Variants in HIVEP3 observed in about 807,000 individuals in gnomAD.
The protein encoded by HIVEP3 is HIVEP zinc finger 3, also known as transcription factor HIVEP3.
A neutral mutation model predicts 152.8 loss-of-function variants in HIVEP3; 49 were observed. The observed-to-expected ratio is 0.32, with a 90% CI of 0.26 to 0.41. The LOEUF (loss-of-function observed/expected upper bound fraction) is 0.41. Among genes scored for constraint, HIVEP3 ranks in the 10% least tolerant of loss-of-function variants. The pLI is 1.00. For missense variants in HIVEP3, 2,790 were observed against 3,103.3 expected, an observed-to-expected ratio of 0.90 and a Z score of 2.40; for synonymous variants, 1,269 against 1,289.0, an observed-to-expected ratio of 0.98 and a Z score of 0.33.
intron 1 of HIVEP3, among the ~76,000 whole-genome samples, chr1:41,907,684 C>G (rs539364798): frequency 1.8e-4 from 28 of 152,322 alleles, no homozygotes; most frequent in African/African-American, 6.3e-4. Context: ...ACCCAACTGT[C>G]CCTTGCGCAG....
At chr1:41,616,038 T>C (rs1032318111) in intron 3 of HIVEP3, among the ~76,000 whole-genome samples, 4 of 151,964 alleles carry the variant, frequency 2.6e-5, no homozygotes, top group African/African-American at 9.7e-5. Context: ...GGAGAAGAAA[T>C]GACTGATTTC....
intron 1 of HIVEP3, among the ~76,000 whole-genome samples, chr1:41,851,536 C>T (rs1053614326): frequency 1.3e-5 from 2 of 152,084 alleles, no homozygotes; most frequent in East Asian, 1.9e-4. Context: ...CTCTTGACCT[C>T]GTGATCTGCC....
At chr1:41,823,291 C>T (rs1642662140) in intron 1 of HIVEP3, among the ~76,000 whole-genome samples, 1 of 152,224 alleles carries the variant, frequency 6.6e-6, no homozygotes, top group Non-Finnish European at 1.5e-5. Context: ...GCTGTTATGA[C>T]AGCCTGAGCA....
At chr1:41,867,952 A>T (rs541124679) in intron 1 of HIVEP3, among the ~76,000 whole-genome samples, 8 of 111,176 alleles carry the variant, frequency 7.2e-5, no homozygotes, top group Non-Finnish European at 1.5e-4. Flanking sequence ...AAAAGCTCCC[A>T]GAGGCTTTCC....
At chr1:41,883,804 C>T (rs1417551768) in intron 1 of HIVEP3, among the ~76,000 whole-genome samples, 4 of 152,150 alleles carry the variant, frequency 2.6e-5, no homozygotes, top group Non-Finnish European at 5.9e-5. Flanking sequence ...TGTCCCAGAG[C>T]CACCTCCATC....
intron 1 of HIVEP3, among the ~76,000 whole-genome samples, chr1:41,905,345 G>A (rs1391013429): frequency 1.3e-5 from 2 of 152,208 alleles, no homozygotes; most frequent in African/African-American, 4.8e-5. Context: ...TGTTAAGGCA[G>A]TGCTTATCAT....
rs908593491 is a variant in HIVEP3 at position 41,784,891 on chromosome 1, A to C, written c.-800-83896T>G. On this transcript the variant is annotated intron_variant, in intron 1 of 8. Coordinates refer to ENST00000372583, the MANE Select transcript of HIVEP3 (RefSeq NM_024503.5). ...AGATAATTTACAAATTTTTATCAAA[A>C]CCATATAACCTAAATAAAACTGGAC... Among the ~76,000 whole-genome samples, 3 of 152,152 alleles carry C rather than the reference A, an allele frequency of 2.0e-5. No individual in the cohort carries two copies. In the East Asian group the frequency reaches 5.8e-4, roughly 29 times the overall value.
rs540847695 is a variant in HIVEP3, at chr1:41,517,330, G to A, written c.5470+1072C>T. On this transcript the variant is annotated intron_variant, in intron 7 of 8. Transcript: ENST00000372583. ...CACAAGTTTCTGCCACCTGTTTTGA[G>A]GACTCAATGAGACAACATGTGCATA... Among the ~76,000 whole-genome samples the A allele has an allele frequency of 2.6e-5, 4 of 152,284 alleles. No individual in the cohort carries two copies. In the East Asian group the frequency reaches 5.8e-4, roughly 22 times the overall value.
chr1:41,928,010 G>A (rs1394474864), intron 1 of HIVEP3, among the ~76,000 whole-genome samples: 4 of 138,126 alleles, frequency 2.9e-5, no homozygotes, highest in Non-Finnish European at 4.5e-5. Context: ...GCAGTCAGCC[G>A]AGATTGCAGC....
At chr1:41,666,329 T>A (rs188073975) in intron 2 of HIVEP3, among the ~76,000 whole-genome samples, 23 of 152,292 alleles carry the variant, frequency 1.5e-4, no homozygotes, top group African/African-American at 5.5e-4. Flanking sequence ...TGTTTCCAGC[T>A]TCCTGACTTA....
intron 1 of HIVEP3, among the ~76,000 whole-genome samples, chr1:41,749,230 G>A (rs191473924): frequency 8.5e-5 from 13 of 152,186 alleles, no homozygotes; most frequent in Non-Finnish European, 1.6e-4. Flanking sequence ...CTTCACACTT[G>A]GCACTCCTGG....
intron 1 of HIVEP3, among the ~76,000 whole-genome samples, chr1:41,710,133 G>A (rs974360297): frequency 3.9e-5 from 6 of 152,042 alleles, no homozygotes; most frequent in Admixed American, 6.5e-5. Context: ...CCCATTCTTC[G>A]TGCATCAGCC....
At chr1:41,979,281 T>C (rs1484402548) in intron 1 of HIVEP3, among the ~76,000 whole-genome samples, 2 of 152,130 alleles carry the variant, frequency 1.3e-5, no homozygotes, top group Non-Finnish European at 2.9e-5. Context: ...TCCTCCTCCT[T>C]CTCATAACAG....
At chr1:41,686,000 G>A (rs1341690299) in intron 2 of HIVEP3, among the ~76,000 whole-genome samples, 1 of 152,154 alleles carries the variant, frequency 6.6e-6, no homozygotes, top group Non-Finnish European at 1.5e-5. Context: ...CTCATGTCTT[G>A]ATGAATTCTG....
At chr1:41,910,384 C>T (rs561177779) in intron 1 of HIVEP3, among the ~76,000 whole-genome samples, 1 of 151,842 alleles carries the variant, frequency 6.6e-6, no homozygotes, top group South Asian at 2.1e-4. Flanking sequence ...AACCTGAATA[C>T]CCATGATCTA....
chr1:41,622,279 G>A (rs763663048), intron 3 of HIVEP3, among the ~76,000 whole-genome samples: 1 of 152,158 alleles, frequency 6.6e-6, no homozygotes, highest in Non-Finnish European at 1.5e-5. Context: ...CCAGAGTAAA[G>A]GTCCTAATGC....
chr1:41,523,575 T>C (rs1219801613), intron 6 of HIVEP3, among the ~76,000 whole-genome samples: 1 of 152,016 alleles, frequency 6.6e-6, no homozygotes. Flanking sequence ...GCCCCTGACC[T>C]GGTATAGAGA....
chr1:41,790,763 G>T (rs964115235), intron 1 of HIVEP3, among the ~76,000 whole-genome samples: 2 of 152,038 alleles, frequency 1.3e-5, no homozygotes, highest in Non-Finnish European at 2.9e-5. Context: ...CTGCAAATCT[G>T]CAGGCCTCAA....
At chr1:41,646,168 A>G (rs941877433) in intron 2 of HIVEP3, among the ~76,000 whole-genome samples, 3 of 152,164 alleles carry the variant, frequency 2.0e-5, no homozygotes, top group African/African-American at 7.2e-5. Context: ...GGAGAGAAAA[A>G]TAACAGACAG....
Sources: allele counts gnomAD v4.1 joint callset (sites outside exome capture counted in the v4.1 genomes callset), GRCh38; gene constraint gnomAD v4.1.1; transcripts MANE v1.5; gene names NCBI Gene and HGNC (gene_info 2026-07-23, HGNC 2026-07-21).